CNBD1: variants seen among roughly 807,000 people sequenced by gnomAD.
The protein encoded by CNBD1 is cyclic nucleotide binding domain containing 1.
Under a neutral mutation model 54.4 loss-of-function variants are expected in CNBD1, and 71 were observed. The observed-to-expected ratio is 1.30, with a 90% CI of 1.08 to 1.59. The LOEUF (loss-of-function observed/expected upper bound fraction) is 1.59, where lower values mean the gene tolerates loss of function less well. Ranked by LOEUF, CNBD1 falls within the 40% of genes most tolerant of loss-of-function variation. The pLI, the probability that CNBD1 is intolerant of heterozygous loss-of-function variation, is 0.00. For synonymous variants in CNBD1, 182 were observed against 170.7 expected (o/e 1.07, Z -0.51); for missense variants, 659 against 518.0 (o/e 1.27, Z -2.64).
At chr8:87,049,977 T>C (rs1810279068) in intron 4 of CNBD1, among the ~76,000 whole-genome samples, 2 of 152,326 alleles carry the variant, frequency 1.3e-5, no homozygotes, top group Middle Eastern at 3.4e-3. Flanking sequence ...CTCCCAAGGC[T>C]ATTTCTTTCC....
intron 4 of CNBD1, among the ~76,000 whole-genome samples, chr8:87,201,670 C>T (rs1813864910): frequency 6.6e-6 from 1 of 152,048 alleles, no homozygotes; most frequent in African/African-American, 2.4e-5. Flanking sequence ...GAAAAATGTA[C>T]AAGACTTGTA....
At chr8:87,419,006 G>A (rs1807881402) in intron 2 of CNBD1, among the ~76,000 whole-genome samples, 1 of 151,786 alleles carries the variant, frequency 6.6e-6, no homozygotes, top group South Asian at 2.1e-4. Flanking sequence ...TTACATGAAT[G>A]TTCATAGCAG....
chr8:86,957,797 T>G (rs1022116071), intron 4 of CNBD1, among the ~76,000 whole-genome samples: 3 of 152,176 alleles, frequency 2.0e-5, no homozygotes, highest in African/African-American at 7.2e-5. Context: ...GTTCATCGAT[T>G]TTTTGTAGGA....
chr8:87,350,498 A>G (rs1810264026), intron 8 of CNBD1, among the ~76,000 whole-genome samples: 1 of 151,848 alleles, frequency 6.6e-6, no homozygotes, highest in Non-Finnish European at 1.5e-5. Flanking sequence ...ATTATATTTA[A>G]CAATTGTTAC....
chr8:87,064,565 A>C (rs1810611502), intron 4 of CNBD1, among the ~76,000 whole-genome samples: 2 of 151,830 alleles, frequency 1.3e-5, no homozygotes, highest in African/African-American at 4.8e-5. Flanking sequence ...TTATAAAGTC[A>C]ATATTACATT....
intron 4 of CNBD1, among the ~76,000 whole-genome samples, chr8:87,040,872 A>G (rs1342765586): frequency 6.6e-6 from 1 of 151,778 alleles, no homozygotes; most frequent in African/African-American, 2.4e-5. Context: ...ATATGATAAA[A>G]TAAGTGTTTC....
chr8:87,403,778 G>C (rs1235523589), intron 2 of CNBD1, among the ~76,000 whole-genome samples: 1 of 151,666 alleles, frequency 6.6e-6, no homozygotes, highest in Non-Finnish European at 1.5e-5. Flanking sequence ...AAAATTTCAA[G>C]ATGTGTTTTT....
At chr8:86,951,376 G>T (rs955261496) in intron 4 of CNBD1, among the ~76,000 whole-genome samples, 4 of 151,562 alleles carry the variant, frequency 2.6e-5, no homozygotes, top group Non-Finnish European at 4.4e-5. Context: ...ATCACCTGAG[G>T]TTAGGAGCTT....
chr8:87,323,906 T>G (rs1042499207), intron 8 of CNBD1, among the ~76,000 whole-genome samples: 9 of 137,904 alleles, frequency 6.5e-5, no homozygotes, highest in African/African-American at 2.4e-4. Flanking sequence ...TGCTTCCAGT[T>G]TTTGCCCATT....
chr8:87,169,565 A>G (rs2915526), intron 4 of CNBD1, among the ~76,000 whole-genome samples: 35,423 of 151,966 alleles, frequency 0.23, 4,243 homozygotes, highest in Admixed American at 0.29. Context: ...TCTTCAACCT[A>G]TTTTGATTTT....
intron 4 of CNBD1, among the ~76,000 whole-genome samples, chr8:87,015,743 G>A (rs1006344480): frequency 6.6e-6 from 1 of 151,912 alleles, no homozygotes; most frequent in African/African-American, 2.4e-5. Context: ...ACTTTGGGAG[G>A]CCGAGGCGGG....
intron 8 of CNBD1, among the ~76,000 whole-genome samples, chr8:87,324,102 C>T (rs1264945809): frequency 1.6e-5 from 2 of 124,142 alleles, no homozygotes; most frequent in African/African-American, 3.0e-5. Context: ...TGCTGGATTA[C>T]ATTTATTGAT....
intron 4 of CNBD1, among the ~76,000 whole-genome samples, chr8:87,053,222 T>C (rs1810347504): frequency 6.6e-6 from 1 of 152,184 alleles, no homozygotes; most frequent in African/African-American, 2.4e-5. Context: ...ATAGGGAACT[T>C]TGAATCATTT....
At chr8:87,138,316 T>G (rs1812301442) in intron 4 of CNBD1, among the ~76,000 whole-genome samples, 1 of 152,198 alleles carries the variant, frequency 6.6e-6, no homozygotes. Flanking sequence ...TTCAGGAATG[T>G]GGGAATCCAG....
At chr8:87,122,396 G>A (rs1811907980) in intron 4 of CNBD1, among the ~76,000 whole-genome samples, 1 of 151,620 alleles carries the variant, frequency 6.6e-6, no homozygotes, top group South Asian at 2.1e-4. Flanking sequence ...TTTAAAATTG[G>A]CTTTATTGGT....
At chr8:87,097,273 TG>T (rs1811339869) in intron 4 of CNBD1, among the ~76,000 whole-genome samples, 1 of 152,192 alleles carries the variant, frequency 6.6e-6, no homozygotes, top group African/African-American at 2.4e-5. Context: ...AATTTTCATT[TG>T]GTTTCAAAAA....
intron 10 of CNBD1, among the ~76,000 whole-genome samples, chr8:87,358,703 A>G (rs897848230): frequency 2.0e-5 from 3 of 152,196 alleles, no homozygotes; most frequent in African/African-American, 7.2e-5. Flanking sequence ...AGCCAGTGGT[A>G]TAATTCAGGT....
chr8:87,233,686 A>G (rs1014492773), intron 5 of CNBD1, among the ~76,000 whole-genome samples: 1 of 151,946 alleles, frequency 6.6e-6, no homozygotes, highest in Non-Finnish European at 1.5e-5. Context: ...CCAAGGCTGA[A>G]CTTGAACTCC....
chr8:87,086,362 C>T (rs910025884), intron 4 of CNBD1, among the ~76,000 whole-genome samples: 3 of 152,152 alleles, frequency 2.0e-5, no homozygotes, highest in Non-Finnish European at 4.4e-5. Context: ...AACCCCAGCC[C>T]TCTGATTTAT....
Sources: allele counts gnomAD v4.1 joint callset (sites outside exome capture counted in the v4.1 genomes callset), GRCh38; gene constraint gnomAD v4.1.1; transcripts MANE v1.5; gene names NCBI Gene and HGNC (gene_info 2026-07-23, HGNC 2026-07-21).